SMOC1: variants seen among roughly 807,000 people sequenced by gnomAD.
The protein encoded by SMOC1 is SPARC related modular calcium binding 1.
A neutral mutation model predicts 56.3 loss-of-function variants in SMOC1; 22 were observed. The ratio of observed to expected loss-of-function variants is 0.39; its 90% CI spans 0.28 to 0.56. The LOEUF is 0.56. SMOC1 is among the 20% of genes least tolerant of loss of function. The pLI, the probability that SMOC1 is intolerant of heterozygous loss-of-function variation, is 0.61. For synonymous variants in SMOC1, 193 were observed against 215.0 expected (o/e 0.90, Z 0.89); for missense variants, 509 against 565.4 (o/e 0.90, Z 1.01).
In SMOC1 at chr14:69,944,908, GA is replaced by G. The variant is rs1414845884; in HGVS notation, c.100-7224del. 1.3e-5 allele frequency among the ~76,000 whole-genome samples: 2 copies of G among 151,870 alleles called. 1 individual carries two copies. Among genetic ancestry groups the G allele is most frequent in the South Asian group, 4.2e-4 (2 of 4,808 alleles). The stretch of plus-strand genomic sequence containing the variant: ...TTTTTTTCATTTCCATTATTCCAAG[GA>G]AAAAATACCATGTTTAAGATGTGAC... On this transcript the variant is annotated intron_variant, in intron 1 of 11. Transcript: ENST00000361956.
At chr14:69,975,980 G>A (rs532271237) in intron 4 of SMOC1, among the ~76,000 whole-genome samples, 166 bp downstream of exon 4, 2 of 151,972 alleles carry the variant, frequency 1.3e-5, no homozygotes, top group Non-Finnish European at 2.9e-5. Flanking sequence ...GTCAGCAAAT[G>A]ATAAGGCATG....
At chr14:69,994,331 T>G in intron 6 of SMOC1, 69 bp from the exon 7 acceptor site, 1 of 1,232,644 alleles carries the variant, frequency 8.1e-7, no homozygotes, top group Non-Finnish European at 1.2e-6. Context: ...TTAAGAAGTC[T>G]GAGGTTACAC....
At chr14:69,932,330 A>G (rs1282185029) in intron 1 of SMOC1, among the ~76,000 whole-genome samples, 4 of 152,172 alleles carry the variant, frequency 2.6e-5, no homozygotes, top group African/African-American at 7.2e-5. Context: ...ATGCACGACT[A>G]TGTTACAGGT....
intron 9 of SMOC1, 53 bp downstream of exon 9, chr14:70,011,620 C>A: frequency 6.6e-7 from 1 of 1,504,080 alleles, no homozygotes; most frequent in Non-Finnish European, 9.3e-7. Flanking sequence ...GTTCCTCCAC[C>A]CTCTCATTAT....
intron 3 of SMOC1, among the ~76,000 whole-genome samples, chr14:69,961,327 T>C (rs1012104623): frequency 7.1e-6 from 1 of 140,388 alleles, no homozygotes; most frequent in East Asian, 2.1e-4. Flanking sequence ...TATCCTGTTT[T>C]ATTTATTCAT....
At chr14:69,890,509 C>CT (rs1479462650) in intron 1 of SMOC1, among the ~76,000 whole-genome samples, 8 of 152,162 alleles carry the variant, frequency 5.3e-5, no homozygotes, top group Non-Finnish European at 8.8e-5. Flanking sequence ...CAATGAGCAT[C>CT]TTTTAATCTT....
chr14:69,973,322 CA>C (rs1309719873), intron 3 of SMOC1, among the ~76,000 whole-genome samples: 1 of 152,236 alleles, frequency 6.6e-6, no homozygotes, highest in East Asian at 1.9e-4. Flanking sequence ...GGGTGCCAGA[CA>C]ATGGACTTCC....
intron 1 of SMOC1, among the ~76,000 whole-genome samples, chr14:69,945,941 A>G (rs1219069072): frequency 6.6e-6 from 1 of 152,312 alleles, no homozygotes; most frequent in East Asian, 1.9e-4. Context: ...ACCTGTTTAG[A>G]TTTTAGATAT....
intron 1 of SMOC1, 77 bp from the exon 2 acceptor site, chr14:69,952,061 G>C: frequency 1.3e-6 from 2 of 1,518,850 alleles, no homozygotes; most frequent in Non-Finnish European, 1.8e-6. Flanking sequence ...AGGCAAACAA[G>C]TACTGTAAGT....
intron 10 of SMOC1, among the ~76,000 whole-genome samples, chr14:70,020,847 A>C (rs565565120): frequency 6.6e-6 from 1 of 152,334 alleles, no homozygotes; most frequent in Non-Finnish European, 1.5e-5. Context: ...GAGGTTGTAA[A>C]GTCAGAAGAA....
chr14:69,937,010 C>T (rs965328671), intron 1 of SMOC1, among the ~76,000 whole-genome samples: 1 of 151,998 alleles, frequency 6.6e-6, no homozygotes, highest in Non-Finnish European at 1.5e-5. Flanking sequence ...GAGCATTTCC[C>T]CGGTCAATAA....
At chr14:69,963,724 A>G (rs1883467860) in intron 3 of SMOC1, among the ~76,000 whole-genome samples, 1 of 152,212 alleles carries the variant, frequency 6.6e-6, no homozygotes, top group Non-Finnish European at 1.5e-5. Flanking sequence ...TCAAGGTGGC[A>G]TATCATTTGC....
At chr14:69,925,330 A>G (rs1354961290) in intron 1 of SMOC1, among the ~76,000 whole-genome samples, 1 of 151,832 alleles carries the variant, frequency 6.6e-6, no homozygotes, top group Non-Finnish European at 1.5e-5. Context: ...ATGTGTGTCC[A>G]TCTTTTTTCC....
At chr14:69,939,054 A>C (rs1311776416) in intron 1 of SMOC1, among the ~76,000 whole-genome samples, 1 of 152,168 alleles carries the variant, frequency 6.6e-6, no homozygotes, top group Non-Finnish European at 1.5e-5. Context: ...AGCACTATCC[A>C]ACTCCCACCC....
intron 1 of SMOC1, among the ~76,000 whole-genome samples, chr14:69,921,274 G>A (rs1884834955): frequency 6.6e-6 from 1 of 152,182 alleles, no homozygotes. Context: ...GATCTTGCAG[G>A]CTGGTGGAGA....
chr14:69,951,939 A>G (rs1490581195), intron 1 of SMOC1, among the ~76,000 whole-genome samples, 199 bp from the exon 2 acceptor site: 1 of 152,172 alleles, frequency 6.6e-6, no homozygotes, highest in Non-Finnish European at 1.5e-5. Flanking sequence ...ATTGTTAGAC[A>G]TTATTGTTCT....
At chr14:69,979,886 G>C (rs1884112004) in intron 5 of SMOC1, among the ~76,000 whole-genome samples, 1 of 152,102 alleles carries the variant, frequency 6.6e-6, no homozygotes, top group African/African-American at 2.4e-5. Flanking sequence ...CCTCCAAAGG[G>C]AGCTGATTGT....
intron 7 of SMOC1, among the ~76,000 whole-genome samples, chr14:69,999,627 C>G (rs1008826376): frequency 6.6e-6 from 1 of 152,230 alleles, no homozygotes; most frequent in East Asian, 1.9e-4. Flanking sequence ...GATGCAGGTG[C>G]CTTGGTCAAT....
At chr14:69,978,342 T>G (rs1884046365) in intron 5 of SMOC1, among the ~76,000 whole-genome samples, 1 of 152,204 alleles carries the variant, frequency 6.6e-6, no homozygotes, top group South Asian at 2.1e-4. Flanking sequence ...GCTCTCTTGT[T>G]GTGTAAGCAC....
Sources: allele counts gnomAD v4.1 joint callset (sites outside exome capture counted in the v4.1 genomes callset), GRCh38; gene constraint gnomAD v4.1.1; transcripts MANE v1.5; gene names NCBI Gene and HGNC (gene_info 2026-07-23, HGNC 2026-07-21).